The following CSMD1 variants were observed in gnomAD, a reference collection of about 807,000 sequenced individuals.
CSMD1 encodes the protein CUB and Sushi multiple domains 1, also known as CUB and sushi domain-containing protein 1.
In CSMD1, 213 loss-of-function variants were observed where a neutral mutation model predicts 417.5. The ratio of observed to expected loss-of-function variants is 0.51; its 90% CI spans 0.46 to 0.57. The LOEUF is 0.57. Among genes scored for constraint, CSMD1 ranks in the 20% least tolerant of loss-of-function variants. The pLI is 0.00. For synonymous variants in CSMD1, 2,862 were observed against 1,736.8 expected (o/e 1.65, Z -16.11); for missense variants, 6,923 against 4,529.7 (o/e 1.53, Z -15.17).
chr8:3,571,403 A>G lies in CSMD1; in HGVS notation c.1344+3542T>C, dbSNP rs149385709. Among the ~76,000 whole-genome samples the G allele has an allele frequency of 1.8e-3, 267 of 152,324 alleles. 2 individuals are homozygous for G. Among genetic ancestry groups the G allele is most frequent in the African/African-American group, 6.1e-3 (255 of 41,584 alleles). Reference sequence around the variant, plus strand: ...TGTTCCCTGGTTAAAGGTACGGAGAACATATATTGTTCTGAACTGGAAAGA... The same window carrying G: ...TGTTCCCTGGTTAAAGGTACGGAGAGCATATATTGTTCTGAACTGGAAAGA... On this transcript the variant is annotated intron_variant, in intron 10 of 69. Coordinates refer to ENST00000635120, the MANE Select transcript of CSMD1 (RefSeq NM_033225.6).
intron 21 of CSMD1, among the ~76,000 whole-genome samples, chr8:3,353,078 C>T (rs1042084943): frequency 1.3e-5 from 2 of 152,168 alleles, no homozygotes; most frequent in African/African-American, 4.8e-5. Context: ...AATAATTATA[C>T]TACATTTGTT....
chr8:4,328,909 A>T (rs910202157), intron 3 of CSMD1, among the ~76,000 whole-genome samples: 1 of 152,232 alleles, frequency 6.6e-6, no homozygotes, highest in Non-Finnish European at 1.5e-5. Flanking sequence ...ATATATTGGT[A>T]GTGTGTTGTT....
intron 18 of CSMD1, among the ~76,000 whole-genome samples, chr8:3,374,256 A>T (rs183549961): frequency 2.6e-5 from 4 of 151,910 alleles, no homozygotes; most frequent in African/African-American, 9.6e-5. Context: ...ACCATGTCCG[A>T]CCCATCCACC....
intron 2 of CSMD1, among the ~76,000 whole-genome samples, chr8:4,549,562 C>G (rs138556318): frequency 1.3e-5 from 2 of 152,004 alleles, no homozygotes; most frequent in Non-Finnish European, 2.9e-5. Flanking sequence ...CACAGCCTCC[C>G]GCATTACGTG....
At chr8:3,488,832 T>C (rs773113823) in intron 11 of CSMD1, among the ~76,000 whole-genome samples, 9 of 152,226 alleles carry the variant, frequency 5.9e-5, no homozygotes, top group Non-Finnish European at 1.0e-4. Flanking sequence ...ATGTGAAAGA[T>C]AATATACAGA....
intron 5 of CSMD1, among the ~76,000 whole-genome samples, chr8:3,909,753 C>G (rs1254009912): frequency 1.3e-5 from 2 of 152,098 alleles, no homozygotes; most frequent in South Asian, 2.1e-4. Context: ...GGTCTTGACT[C>G]TGGAGCTAAT....
chr8:4,125,219 G>C (rs550206743), intron 3 of CSMD1, among the ~76,000 whole-genome samples: 1 of 152,232 alleles, frequency 6.6e-6, no homozygotes, highest in African/African-American at 2.4e-5. Flanking sequence ...GGTCGAGCTG[G>C]GAACTGCTTA....
intron 3 of CSMD1, among the ~76,000 whole-genome samples, chr8:4,092,121 T>C (rs1563112771): frequency 6.6e-6 from 1 of 152,162 alleles, no homozygotes; most frequent in African/African-American, 2.4e-5. Flanking sequence ...AGAAATACTT[T>C]CTCCTTAAGA....
At chr8:4,254,441 A>G (rs78760153) in intron 3 of CSMD1, among the ~76,000 whole-genome samples, 2,066 of 152,302 alleles carry the variant, frequency 0.014, 54 homozygotes, top group African/African-American at 0.046. Context: ...GTGGAGCTGA[A>G]CAATGATCAC....
chr8:3,144,794 A>AGGGGG (rs1308064297), intron 40 of CSMD1, among the ~76,000 whole-genome samples: 10 of 27,574 alleles, frequency 3.6e-4, no homozygotes, highest in African/African-American at 1.3e-3. Context: ...AGAGGCAACA[A>AGGGGG]GGGGGGGGGG....
intron 21 of CSMD1, among the ~76,000 whole-genome samples, chr8:3,349,923 A>T (rs1364390657): frequency 6.9e-6 from 1 of 144,316 alleles, no homozygotes. Context: ...TTTATATATT[A>T]TATTATATAT....
chr8:4,523,002 G>T (rs953203485), intron 2 of CSMD1, among the ~76,000 whole-genome samples: 1 of 152,122 alleles, frequency 6.6e-6, no homozygotes, highest in Non-Finnish European at 1.5e-5. Flanking sequence ...AAGTACTAAG[G>T]AGTAGGGCTT....
intron 1 of CSMD1, among the ~76,000 whole-genome samples, chr8:4,964,202 T>C (rs371321621): frequency 1.3e-5 from 2 of 151,966 alleles, no homozygotes; most frequent in South Asian, 2.1e-4. Context: ...TAATACATTT[T>C]AGAGCAAAAT....
chr8:4,780,907 T>C (rs1462488569), intron 1 of CSMD1, among the ~76,000 whole-genome samples: 1 of 152,208 alleles, frequency 6.6e-6, no homozygotes, highest in African/African-American at 2.4e-5. Flanking sequence ...ATTCATTCCT[T>C]ATTGTAATTA....
chr8:3,577,686 A>C (rs1800209162), intron 9 of CSMD1, among the ~76,000 whole-genome samples: 1 of 152,202 alleles, frequency 6.6e-6, no homozygotes, highest in Admixed American at 6.5e-5. Context: ...ATGTAATTCT[A>C]ACCCTCCTTC....
chr8:4,293,179 C>G (rs1181976772), intron 3 of CSMD1, among the ~76,000 whole-genome samples: 26 of 152,026 alleles, frequency 1.7e-4, no homozygotes, highest in Non-Finnish European at 5.9e-5. Flanking sequence ...AGGACTGAAC[C>G]TCCCTGGCAC....
intron 7 of CSMD1, among the ~76,000 whole-genome samples, chr8:3,697,218 C>T (rs1355699111): frequency 1.3e-5 from 2 of 152,146 alleles, no homozygotes; most frequent in Non-Finnish European, 2.9e-5. Context: ...TATTTCTCTC[C>T]AGAAAATGGT....
At chr8:3,128,613 T>C (rs1357485254) in intron 41 of CSMD1, 2 of 296,866 alleles carry the variant, frequency 6.7e-6, no homozygotes, top group African/African-American at 4.4e-5. Context: ...TCTTATCAAT[T>C]TATCAATTTT....
chr8:3,716,844 TATC>T (rs1801870756), intron 6 of CSMD1, among the ~76,000 whole-genome samples: 1 of 151,852 alleles, frequency 6.6e-6, no homozygotes, highest in African/African-American at 2.4e-5. Context: ...AATAAAACAT[TATC>T]ATCATCGGAA....
Sources: allele counts gnomAD v4.1 joint callset (sites outside exome capture counted in the v4.1 genomes callset), GRCh38; gene constraint gnomAD v4.1.1; transcripts MANE v1.5; gene names NCBI Gene and HGNC (gene_info 2026-07-23, HGNC 2026-07-21).